The following MYT1L variants were observed in gnomAD, a reference collection of about 807,000 sequenced individuals.
The protein encoded by MYT1L is myelin transcription factor 1 like, also known as myelin transcription factor 1-like protein.
In MYT1L, 12 loss-of-function variants were observed where a neutral mutation model predicts 126.7. The observed-to-expected ratio is 0.09, with a 90% CI of 0.06 to 0.15. The LOEUF is 0.15. MYT1L is among the 10% of genes least tolerant of loss of function. The pLI, the probability that MYT1L is intolerant of heterozygous loss-of-function variation, is 1.00. For missense variants in MYT1L, 979 were observed against 1,585.2 expected, an observed-to-expected ratio of 0.62 and a Z score of 6.49; for synonymous variants, 541 against 604.2, an observed-to-expected ratio of 0.90 and a Z score of 1.53.
chr2:2,157,019 G>A (rs796333693), intron 3 of MYT1L, among the ~76,000 whole-genome samples: 4 of 152,346 alleles, frequency 2.6e-5, no homozygotes, highest in African/African-American at 9.6e-5. Flanking sequence ...GCACAACAGA[G>A]TTTTGACCAT....
At chr2:2,178,135 A>T (rs916425625) in intron 2 of MYT1L, among the ~76,000 whole-genome samples, 2 of 152,194 alleles carry the variant, frequency 1.3e-5, no homozygotes, top group Non-Finnish European at 2.9e-5. Flanking sequence ...AATCCATGTA[A>T]CATTTATGTA....
chr2:2,169,204 G>A (rs564791487), intron 3 of MYT1L, among the ~76,000 whole-genome samples: 1 of 152,316 alleles, frequency 6.6e-6, no homozygotes, highest in Non-Finnish European at 1.5e-5. Context: ...GGAAATATCT[G>A]CTGGACACTG....
intron 2 of MYT1L, among the ~76,000 whole-genome samples, chr2:2,197,879 G>GCA (rs141470375): frequency 0.17 from 24,660 of 145,522 alleles, 2,072 homozygotes; most frequent in African/African-American, 0.23. Context: ...ATATACACAT[G>GCA]CACACACACA....
rs1368132063 is a variant in MYT1L at position 1,813,802 on chromosome 2, C to T, written c.3081-4635G>A. ...CAGCACTTTGGGAGGCCGAGGCGGG[C>T]GGATCACGCGGTCAGGAGATCGAGA... On this transcript the variant is annotated intron_variant, in intron 21 of 24. Transcript: ENST00000647738. 3.4e-5 allele frequency among the ~76,000 whole-genome samples: 5 copies of T among 146,886 alleles called. No individual in the cohort carries two copies. In the South Asian group the frequency reaches 6.9e-4, roughly 20 times the overall value.
At chr2:2,147,003 A>T (rs1286046145) in intron 3 of MYT1L, among the ~76,000 whole-genome samples, 1 of 152,216 alleles carries the variant, frequency 6.6e-6, no homozygotes, top group South Asian at 2.1e-4. Flanking sequence ...GAGTTGCCTC[A>T]TGATGGCATT....
At chr2:2,271,816 A>AC (rs544140909) in intron 2 of MYT1L, among the ~76,000 whole-genome samples, 114 of 152,020 alleles carry the variant, frequency 7.5e-4, no homozygotes, top group Non-Finnish European at 1.5e-3. Flanking sequence ...ACCTCATTCC[A>AC]CCCCAACGAC....
At chr2:2,191,900 AT>A (rs2092606825) in intron 2 of MYT1L, among the ~76,000 whole-genome samples, 1 of 152,160 alleles carries the variant, frequency 6.6e-6, no homozygotes, top group Non-Finnish European at 1.5e-5. Context: ...TAGTTTGTTA[AT>A]TTTTTCCTAA....
At chr2:2,327,491 A>G (rs2096256996) in intron 1 of MYT1L, among the ~76,000 whole-genome samples, 2 of 144,058 alleles carry the variant, frequency 1.4e-5, no homozygotes, top group Admixed American at 1.4e-4. Flanking sequence ...ATTCAAAAAA[A>G]GAACTCTTAA....
chr2:2,292,370 A>T (rs1334052536), intron 1 of MYT1L, among the ~76,000 whole-genome samples: 1 of 152,240 alleles, frequency 6.6e-6, no homozygotes, highest in Admixed American at 6.5e-5. Context: ...TTGGAGAAAA[A>T]GTCCTTGTGA....
chr2:2,037,361 C>T (rs1053725275), intron 4 of MYT1L, among the ~76,000 whole-genome samples: 1 of 152,104 alleles, frequency 6.6e-6, no homozygotes, highest in African/African-American at 2.4e-5. Context: ...ATTGCTGTTG[C>T]TAATGAGACT....
intron 21 of MYT1L, among the ~76,000 whole-genome samples, chr2:1,838,773 T>A (rs1451009260): frequency 2.0e-5 from 3 of 152,166 alleles, no homozygotes; most frequent in African/African-American, 7.2e-5. Context: ...CCGTGCCAAA[T>A]GCCATCCTCT....
chr2:1,804,213 C>T (rs1036533473), intron 22 of MYT1L, among the ~76,000 whole-genome samples: 1 of 152,138 alleles, frequency 6.6e-6, no homozygotes, highest in Non-Finnish European at 1.5e-5. Context: ...CTCCACCTCT[C>T]GGATTCAAAC....
Position 2,190,411 on chromosome 2 carries a change from C to T in MYT1L, c.-420-17423G>A, listed in dbSNP as rs181395919. 2.6e-5 allele frequency among the ~76,000 whole-genome samples: 4 copies of T among 152,052 alleles called. No individual in the cohort carries two copies. The East Asian group carries it at 7.8e-4, about 30-fold the overall frequency. On this transcript the variant is annotated intron_variant, in intron 2 of 24. Transcript: ENST00000647738. The stretch of plus-strand genomic sequence containing the variant: ...TCGAGGTTGCAGGGAGCCGAGATCA[C>T]ACCAGATGGTGTAATGAGAAGGAAA...
At chr2:2,028,960 C>CA (rs1454125590) in intron 4 of MYT1L, among the ~76,000 whole-genome samples, 1 of 152,154 alleles carries the variant, frequency 6.6e-6, no homozygotes, top group African/African-American at 2.4e-5. Context: ...TTTTTTGAGA[C>CA]AATCACTTGG....
intron 3 of MYT1L, among the ~76,000 whole-genome samples, chr2:2,100,186 G>GT (rs528749195): frequency 5.5e-4 from 83 of 151,996 alleles, no homozygotes; most frequent in South Asian, 2.7e-3. Flanking sequence ...TTGAGCCAGG[G>GT]TTTTTTTTAA....
At chr2:2,024,881 G>A (rs187276648) in intron 4 of MYT1L, among the ~76,000 whole-genome samples, 1 of 152,338 alleles carries the variant, frequency 6.6e-6, no homozygotes, top group Admixed American at 6.5e-5. Context: ...CAGGGCTTCT[G>A]CATCTTTTCA....
intron 8 of MYT1L, among the ~76,000 whole-genome samples, chr2:1,956,574 TTCTATCTA>T (rs72311419): frequency 0.038 from 3,815 of 101,508 alleles, 96 homozygotes; most frequent in South Asian, 0.049. Context: ...ATATTTCCTA[TTCTATCTA>T]TCTATCTATC....
At position 2,200,460 on chromosome 2, in the gene MYT1L, A is replaced by G. The variant is rs1004560009; in HGVS notation, c.-420-27472T>C. ...GACCCCTTCCACACATCACCTGAAC[A>G]TCTGTCTCCATGACCACGTCTCCTC... On this transcript the variant is annotated intron_variant, in intron 2 of 24. Coordinates refer to ENST00000647738, the MANE Select transcript of MYT1L (RefSeq NM_001303052.2). Among the ~76,000 whole-genome samples the G allele has an allele frequency of 4.6e-5, 7 of 151,646 alleles. No homozygotes were observed. In the East Asian group the frequency reaches 9.8e-4, roughly 21 times the overall value.
chr2:2,256,451 G>A (rs1192484313), intron 2 of MYT1L, among the ~76,000 whole-genome samples: 1 of 152,192 alleles, frequency 6.6e-6, no homozygotes, highest in Non-Finnish European at 1.5e-5. Flanking sequence ...TATTATCTAT[G>A]CTGCTTAGCG....
Sources: allele counts gnomAD v4.1 joint callset (sites outside exome capture counted in the v4.1 genomes callset), GRCh38; gene constraint gnomAD v4.1.1; transcripts MANE v1.5; gene names NCBI Gene and HGNC (gene_info 2026-07-23, HGNC 2026-07-21).